Variants in WDR27 observed in about 807,000 individuals in gnomAD.
WDR27 encodes the protein WD repeat-containing protein 27.
In WDR27, 100 loss-of-function variants were observed where a neutral mutation model predicts 114.4. The ratio of observed to expected loss-of-function variants is 0.87; its 90% CI spans 0.74 to 1.03. The LOEUF is 1.03. WDR27 is among the 50% of genes least tolerant of loss of function. WDR27 has a pLI of 0.00. For missense variants in WDR27, 1,129 were observed against 1,092.9 expected, an observed-to-expected ratio of 1.03 and a Z score of -0.47; for synonymous variants, 449 against 423.1, an observed-to-expected ratio of 1.06 and a Z score of -0.75.
intron 23 of WDR27, among the ~76,000 whole-genome samples, chr6:169,585,752 T>G (rs893334436): frequency 1.8e-4 from 27 of 152,114 alleles, no homozygotes; most frequent in African/African-American, 6.0e-4. Context: ...ATTGACTTCA[T>G]GTTGAGTGGG....
intron 25 of WDR27, among the ~76,000 whole-genome samples, chr6:169,482,346 C>G (rs1788280441): frequency 6.6e-6 from 1 of 152,022 alleles, no homozygotes; most frequent in African/African-American, 2.4e-5. Flanking sequence ...ATGGTAATTC[C>G]CTCTTTAGGT....
chr6:169,576,588 C>G (rs184053109), intron 24 of WDR27, among the ~76,000 whole-genome samples: 1 of 151,964 alleles, frequency 6.6e-6, no homozygotes, highest in African/African-American at 2.4e-5. Context: ...TAGTGAGACC[C>G]CATCTCTATT....
intron 25 of WDR27, among the ~76,000 whole-genome samples, chr6:169,551,824 A>C (rs1035038993): frequency 2.0e-5 from 3 of 152,138 alleles, no homozygotes; most frequent in African/African-American, 7.2e-5. Flanking sequence ...CTGGCTTTGA[A>C]GGCCAGGTCG....
intron 19 of WDR27, among the ~76,000 whole-genome samples, chr6:169,635,390 A>G (rs2128220325): frequency 6.6e-6 from 1 of 152,266 alleles, no homozygotes; most frequent in South Asian, 2.1e-4. Context: ...TCTCAAAAAC[A>G]AACTTTAGGA....
Position 169,688,964 on chromosome 6 carries a change from A to G in WDR27, c.42T>C (p.Cys14=), listed in dbSNP as rs758142956. Residue 14 remains cysteine (C), a synonymous_variant, in exon 2 of 26, where the codon TGT becomes TGC. Transcript: ENST00000448612. ...PQDIFSSNGG[C]LSDIVIEKYL... ...ATTTTTCTATAACTATATCACTTAG[A>G]CAGCCACCATTACTTGAGAAAATGT... is the stretch of plus-strand genomic sequence containing the variant. The G allele has an allele frequency of 1.2e-5, 19 of 1,613,290 alleles. No homozygotes were observed. The highest frequency in any genetic ancestry group is 2.2e-5 in the East Asian group (1 of 44,858).
chr6:169,662,159 C>T, intron 9 of WDR27, 145 bp downstream of exon 9: 1 of 787,752 alleles, frequency 1.3e-6, no homozygotes, highest in Non-Finnish European at 2.0e-6. Context: ...TTAAAACATG[C>T]AATCCCAAGA....
chr6:169,601,627 C>T lies in WDR27; in HGVS notation c.2424+592G>A, dbSNP rs1362682785. 1.5e-4 allele frequency among the ~76,000 whole-genome samples: 23 copies of T among 152,310 alleles called. 1 individual carries two copies. The East Asian group carries it at 3.7e-3, about 24-fold the overall frequency. ...TGAGGTGAACGCTGCAGCTGCAAGG[C>T]CACCCATGAGTATTCTTGGGGCGAA... On this transcript the variant is annotated intron_variant, in intron 23 of 25. Coordinates refer to ENST00000448612, the MANE Select transcript of WDR27 (RefSeq NM_182552.5).
At chr6:169,658,661 T>C (rs1184061480) in intron 12 of WDR27, among the ~76,000 whole-genome samples, 2 of 151,562 alleles carry the variant, frequency 1.3e-5, no homozygotes, top group Admixed American at 6.6e-5. Context: ...TTCTTCCAAA[T>C]AGCATTGGCA....
At chr6:169,548,330 T>C (rs923834967) in intron 25 of WDR27, among the ~76,000 whole-genome samples, 1 of 152,166 alleles carries the variant, frequency 6.6e-6, no homozygotes, top group African/African-American at 2.4e-5. Context: ...AACAAAATGA[T>C]TCTGAAATTT....
chr6:169,609,973 G>A (rs532405303), intron 22 of WDR27, among the ~76,000 whole-genome samples: 1 of 152,282 alleles, frequency 6.6e-6, no homozygotes, highest in African/African-American at 2.4e-5. Context: ...CTCTAGGGCA[G>A]GGGCAAAATG....
chr6:169,614,768 A>T (rs983623524), intron 21 of WDR27, among the ~76,000 whole-genome samples: 2 of 152,208 alleles, frequency 1.3e-5, no homozygotes, highest in African/African-American at 4.8e-5. Context: ...ATTCACACTA[A>T]TAATTGAGCA....
At chr6:169,682,099 G>T (rs1008020208) in intron 2 of WDR27, among the ~76,000 whole-genome samples, 1 of 152,112 alleles carries the variant, frequency 6.6e-6, no homozygotes, top group African/African-American at 2.4e-5. Context: ...GATCCCAGAC[G>T]GGCCCAATCT....
chr6:169,559,271 C>T (rs555139799), intron 25 of WDR27: 2 of 152,330 alleles, frequency 1.3e-5, no homozygotes, highest in African/African-American at 4.8e-5. Context: ...CTGCCTACTT[C>T]TGTAGTCTGT....
At chr6:169,655,855 G>T (rs928095868) in intron 13 of WDR27, among the ~76,000 whole-genome samples, 9 of 152,180 alleles carry the variant, frequency 5.9e-5, no homozygotes, top group African/African-American at 2.2e-4. Flanking sequence ...GAGTAGCTGG[G>T]ACTACAGGCG....
chr6:169,627,635 G>A (rs866680706), intron 21 of WDR27, among the ~76,000 whole-genome samples: 5 of 152,200 alleles, frequency 3.3e-5, no homozygotes, highest in South Asian at 2.1e-4. Flanking sequence ...GCTGTGCACG[G>A]GGAGCCTCCA....
At chr6:169,642,321 CAG>C (rs1193484508) in intron 17 of WDR27, among the ~76,000 whole-genome samples, 1 of 147,418 alleles carries the variant, frequency 6.8e-6, no homozygotes, top group East Asian at 2.3e-4. Flanking sequence ...CCCACAGAAA[CAG>C]AGCAAGTTTT....
At chr6:169,606,492 T>C (rs1809212785) in intron 22 of WDR27, among the ~76,000 whole-genome samples, 1 of 152,142 alleles carries the variant, frequency 6.6e-6, no homozygotes, top group Admixed American at 6.5e-5. Context: ...GGCCCCAGTG[T>C]GTGTTGTTCC....
intron 1 of WDR27, among the ~76,000 whole-genome samples, chr6:169,695,506 G>A (rs1348678687): frequency 6.6e-6 from 1 of 152,196 alleles, no homozygotes; most frequent in African/African-American, 2.4e-5. Context: ...AATCCACAGT[G>A]TGTCCATTTT....
chr6:169,468,053 T>C (rs1329444442), intron 25 of WDR27, among the ~76,000 whole-genome samples: 1 of 152,156 alleles, frequency 6.6e-6, no homozygotes, highest in East Asian at 1.9e-4. Flanking sequence ...GTTCCATAGA[T>C]CTCTAGGGCA....
Sources: allele counts gnomAD v4.1 joint callset (sites outside exome capture counted in the v4.1 genomes callset), GRCh38; gene constraint gnomAD v4.1.1; transcripts MANE v1.5; gene names NCBI Gene and HGNC (gene_info 2026-07-23, HGNC 2026-07-21).